Variants in UBXN8 observed in about 807,000 individuals in gnomAD.
The protein encoded by UBXN8 is UBX domain-containing protein 8.
A neutral mutation model predicts 32.1 loss-of-function variants in UBXN8; 27 were observed. The ratio of observed to expected loss-of-function variants is 0.84; its 90% confidence interval spans 0.62 to 1.16. The LOEUF is 1.16. Ranked by LOEUF, UBXN8 falls within the 50% of genes most tolerant of loss-of-function variation. UBXN8 has a pLI of 0.00. For synonymous variants in UBXN8, 109 were observed against 111.8 expected (o/e 0.98, Z 0.16); for missense variants, 306 against 311.4 (o/e 0.98, Z 0.13).
At chr8:30,735,507 G>A (rs1218084220) in intron 1 of UBXN8, among the ~76,000 whole-genome samples, 1 of 151,848 alleles carries the variant, frequency 6.6e-6, no homozygotes. Flanking sequence ...GAGCTGAGAT[G>A]GCACCACTGC....
At chr8:30,737,765 G>T (rs1196298349) in intron 1 of UBXN8, among the ~76,000 whole-genome samples, 1 of 152,014 alleles carries the variant, frequency 6.6e-6, no homozygotes, top group Non-Finnish European at 1.5e-5. Context: ...GGAGGATCAC[G>T]TGGGCCTGGG....
chr8:30,760,113 A>G (rs1345646343), intron 5 of UBXN8, among the ~76,000 whole-genome samples: 1 of 147,622 alleles, frequency 6.8e-6, no homozygotes, highest in African/African-American at 2.5e-5. Context: ...CCAGGCCAGA[A>G]TGCAGTGGCA....
upstream of UBXN8, among the ~76,000 whole-genome samples, chr8:30,729,307 G>C (rs958819877): frequency 2.6e-5 from 4 of 152,382 alleles, no homozygotes; most frequent in Middle Eastern, 6.8e-3. Context: ...TGAACACCGG[G>C]AAGGAACAGG....
chr8:30,730,054 C>G (rs1804916340), upstream of UBXN8, among the ~76,000 whole-genome samples: 1 of 152,192 alleles, frequency 6.6e-6, no homozygotes, highest in African/African-American at 2.4e-5. Context: ...GTGCCCTCCC[C>G]TTACCAGGGA....
At position 30,763,242 on chromosome 8, in the gene UBXN8, C is replaced by T. The variant is rs141520105; in HGVS notation, c.571-31C>T. ...AAAGGAATTGCAAAGAGCAATGGAT[C>T]GGAGTTCTTATGTGAATATTTCTTC... On this transcript the variant is annotated intron_variant, in intron 6 of 7. Coordinates refer to ENST00000265616, the MANE Select transcript of UBXN8 (RefSeq NM_005671.4). The T allele has an allele frequency of 3.2e-5, 52 of 1,604,088 alleles. No homozygotes were observed. In the East Asian group the frequency reaches 8.7e-4, roughly 27 times the overall value.
intron 7 of UBXN8, 52 bp from the exon 8 acceptor site, chr8:30,766,175 C>A: frequency 6.5e-7 from 1 of 1,545,378 alleles, no homozygotes. Flanking sequence ...TCTAAAGGGA[C>A]ATGGTGTGTA....
intron 1 of UBXN8, among the ~76,000 whole-genome samples, chr8:30,734,635 A>ATT (rs1045044616): frequency 1.2e-4 from 18 of 151,510 alleles, no homozygotes; most frequent in African/African-American, 2.9e-4. Flanking sequence ...AAAAAAAAAA[A>ATT]TTTCTTTCAA....
At chr8:30,757,194 A>G (rs931041750) in intron 5 of UBXN8, among the ~76,000 whole-genome samples, 2 of 151,618 alleles carry the variant, frequency 1.3e-5, no homozygotes, top group African/African-American at 2.4e-5. Context: ...CCTGTTCAAT[A>G]TTAATGATGT....
chr8:30,747,369 G>A (rs1425238376), intron 1 of UBXN8, among the ~76,000 whole-genome samples: 1 of 112,834 alleles, frequency 8.9e-6, no homozygotes, highest in African/African-American at 3.5e-5. Context: ...GGAGTGCAGT[G>A]GCACAATCTC....
intron 1 of UBXN8, 22 bp from the exon 2 acceptor site, chr8:30,751,374 T>G: frequency 6.5e-7 from 1 of 1,546,178 alleles, no homozygotes; most frequent in Non-Finnish European, 8.7e-7. Flanking sequence ...GAATTTTAAT[T>G]TTAGTTTTTT....
Position 30,747,307 on chromosome 8 carries a change from G to GGTTTT in UBXN8, c.88+3030_88+3031insGTTTT, listed in dbSNP as rs567878886. 7.3e-5 allele frequency among the ~76,000 whole-genome samples: 6 copies of GGTTTT among 81,730 alleles called. 1 individual carries two copies. The highest frequency in any genetic ancestry group is 8.4e-5 in the Non-Finnish European group (4 of 47,406). 53.6% of individuals were successfully genotyped at this position (81,730 alleles called of 152,430 possible). On this transcript the variant is annotated intron_variant, in intron 1 of 7. Coordinates refer to ENST00000265616, the MANE Select transcript of UBXN8 (RefSeq NM_005671.4). ...AACATAAATCCCACACCTCAGTGGT[G>GGTTTT]TTTTTTTTTTTTTTTTTTTTTGAGA... is the stretch of plus-strand genomic sequence containing the variant.
In UBXN8 at chr8:30,751,078, A is replaced by T. The variant is rs1479283035; in HGVS notation, c.89-318A>T. Among the ~76,000 whole-genome samples, 3 of 152,220 alleles carry T rather than the reference A, an allele frequency of 2.0e-5. No homozygotes were observed. The East Asian group carries it at 5.8e-4, about 29-fold the overall frequency. ...AGCATCCGTGGATTTTGGTATACTC[A>T]GGAGTCCTGGAACCAATACCCCATG... On this transcript the variant is annotated intron_variant, in intron 1 of 7. Coordinates refer to ENST00000265616, the MANE Select transcript of UBXN8 (RefSeq NM_005671.4).
Position 30,752,928 on chromosome 8 carries a change from TC to T in UBXN8, c.212-106del. On this transcript the variant is annotated intron_variant, in intron 2 of 7. Transcript: ENST00000265616. ...AATGTGATGTGTTAGGGTCTCCCCATCATAGACTTTAGATTTTTTTCTTTCT... is the reference window on the plus strand; with the variant it reads ...AATGTGATGTGTTAGGGTCTCCCCATATAGACTTTAGATTTTTTTCTTTCT... 3 of 1,282,788 alleles carry T rather than the reference TC, an allele frequency of 2.3e-6. No homozygotes were observed. The South Asian group carries it at 5.8e-5, about 25-fold the overall frequency. 79.5% of individuals were successfully genotyped at this position (1,282,788 alleles called of 1,614,324 possible). A position where few individuals can be genotyped will look rare whatever the true frequency, so the allele number is the denominator to read the frequency against.
chr8:30,745,396 A>G (rs1025218809), intron 1 of UBXN8, among the ~76,000 whole-genome samples: 14 of 152,182 alleles, frequency 9.2e-5, no homozygotes, highest in Non-Finnish European at 1.8e-4. Flanking sequence ...GCTGAGAATC[A>G]TGAGTTGATT....
chr8:30,744,183 C>A lies in UBXN8; in HGVS notation c.-7C>A. 6.2e-7 allele frequency: 1 copy of A among 1,611,884 alleles called. No homozygotes were observed. Among genetic ancestry groups the A allele is most frequent in the Non-Finnish European group, 8.5e-7 (1 of 1,179,102 alleles). ...GCTTTCCGCCTGCACCAGGCGCTTC[C>A]GCCACCATGGCTTCACGTGGGGTTG... On this transcript the variant is annotated 5_prime_UTR_variant, in exon 1 of 8. Coordinates refer to ENST00000265616, the MANE Select transcript of UBXN8 (RefSeq NM_005671.4).
chr8:30,754,856 A>G (rs1226239316), intron 4 of UBXN8, 69 bp downstream of exon 4: 2 of 1,507,290 alleles, frequency 1.3e-6, no homozygotes, highest in African/African-American at 1.5e-5. Flanking sequence ...ATTGATTTTT[A>G]ATTGAAAATG....
At chr8:30,763,048 TA>T (rs1037705993) in intron 6 of UBXN8, 1 of 515,374 alleles carries the variant, frequency 1.9e-6, no homozygotes, top group African/African-American at 1.9e-5. Flanking sequence ...TTCTATTTTT[TA>T]TGGCGGGGGG....
upstream of UBXN8, among the ~76,000 whole-genome samples, chr8:30,739,458 G>A (rs1563555646): frequency 5.9e-5 from 9 of 152,164 alleles, no homozygotes; most frequent in South Asian, 1.2e-3. Context: ...GAAGGAGAAC[G>A]GCGTGAACCT....
chr8:30,730,703 C>T (rs1251061698), upstream of UBXN8, among the ~76,000 whole-genome samples: 1 of 152,186 alleles, frequency 6.6e-6, no homozygotes, highest in African/African-American at 2.4e-5. Context: ...GAAGAAAGTC[C>T]AGCACAATTC....
Sources: allele counts gnomAD v4.1 joint callset (sites outside exome capture counted in the v4.1 genomes callset), GRCh38; gene constraint gnomAD v4.1.1; transcripts MANE v1.5; gene names NCBI Gene and HGNC (gene_info 2026-07-23, HGNC 2026-07-21).